The following REDIC1 variants were observed in gnomAD, a reference collection of about 807,000 sequenced individuals.
REDIC1 encodes the protein regulator of DNA class I crossover intermediates 1.
chr12:39,711,591 A>ATGTGTATACACATGCATGTG, the REDIC1 span, among the ~76,000 whole-genome samples: 1,073 of 26,032 alleles, frequency 0.041, 43 homozygotes, highest in African/African-American at 0.065. Context: ...ATGCATGTGT[A>ATGTGTATACACATGCATGTG]TATGTGTATA....
At chr12:39,889,118 A>C in the REDIC1 span, among the ~76,000 whole-genome samples, 1 of 152,150 alleles carries the variant, frequency 6.6e-6, no homozygotes, top group East Asian at 1.9e-4. Context: ...TTGCAAAAGC[A>C]AACCAAATGT....
At chr12:39,666,360 G>T in the REDIC1 span, among the ~76,000 whole-genome samples, 1 of 152,088 alleles carries the variant, frequency 6.6e-6, no homozygotes, top group African/African-American at 2.4e-5. Flanking sequence ...TTATATGCTG[G>T]ATTACGTTTA....
At chr12:39,757,744 A>G in the REDIC1 span, 110,108 of 151,892 alleles carry the variant, frequency 0.72, 41,690 homozygotes, top group Non-Finnish European at 0.84. Flanking sequence ...TTGTTTTCTT[A>G]TATCAGGGAG....
At chr12:39,713,048 T>C in the REDIC1 span, among the ~76,000 whole-genome samples, 8 of 145,080 alleles carry the variant, frequency 5.5e-5, no homozygotes, top group East Asian at 2.0e-4. Context: ...TATACATGTG[T>C]ATATACGTGT....
At chr12:39,860,229 A>T in the REDIC1 span, among the ~76,000 whole-genome samples, 1 of 152,190 alleles carries the variant, frequency 6.6e-6, no homozygotes, top group African/African-American at 2.4e-5. Context: ...AGTAAGATGT[A>T]AGTGTAGGTG....
At chr12:39,830,273 G>GT in the REDIC1 span, 3 of 1,596,150 alleles carry the variant, frequency 1.9e-6, no homozygotes, top group Non-Finnish European at 2.6e-6. Flanking sequence ...GAGACAACTG[G>GT]TGCTCACCAT....
the REDIC1 span, among the ~76,000 whole-genome samples, chr12:39,676,825 T>C: frequency 6.6e-6 from 1 of 152,062 alleles, no homozygotes; most frequent in Non-Finnish European, 1.5e-5. Flanking sequence ...CAAAATAATA[T>C]AAGCCAAGGA....
At chr12:39,718,237 T>G in the REDIC1 span, among the ~76,000 whole-genome samples, 2 of 152,212 alleles carry the variant, frequency 1.3e-5, no homozygotes, top group East Asian at 3.9e-4. Context: ...TAATGAACCT[T>G]AAAGGTCACT....
chr12:39,692,103 A>G, the REDIC1 span: 9 of 1,573,556 alleles, frequency 5.7e-6, no homozygotes, highest in East Asian at 1.8e-4. Flanking sequence ...AATATCTACT[A>G]AGAAAATCTG....
At chr12:39,710,704 C>G in the REDIC1 span, among the ~76,000 whole-genome samples, 3 of 151,754 alleles carry the variant, frequency 2.0e-5, no homozygotes, top group African/African-American at 7.3e-5. Context: ...TGGGGTTCAT[C>G]ACACTTAGCT....
the REDIC1 span, among the ~76,000 whole-genome samples, chr12:39,728,906 G>A: frequency 1.3e-5 from 2 of 151,418 alleles, no homozygotes; most frequent in Admixed American, 6.6e-5. Context: ...ATGTGTCCAG[G>A]AATTCATCCA....
chr12:39,826,864 T>TTTTTTTTTTTTTTTTTTTTTC, the REDIC1 span, among the ~76,000 whole-genome samples: 1 of 143,508 alleles, frequency 7.0e-6, no homozygotes, highest in Non-Finnish European at 1.5e-5. Context: ...ATTTTTTTTT[T>TTTTTTTTTTTTTTTTTTTTTC]TTTTTTTTGC....
At chr12:39,716,725 C>T in the REDIC1 span, 3 of 1,458,230 alleles carry the variant, frequency 2.1e-6, no homozygotes, top group Non-Finnish European at 2.8e-6. Flanking sequence ...TCATAAATAC[C>T]ATTATTCATG....
At chr12:39,706,993 G>GGACAAACAGGATCACATCA in the REDIC1 span, among the ~76,000 whole-genome samples, 1 of 151,552 alleles carries the variant, frequency 6.6e-6, no homozygotes, top group Non-Finnish European at 1.5e-5. Context: ...AAGCAAAAAT[G>GGACAAACAGGATCACATCA]GACAAACAGG....
At chr12:39,728,424 A>T in the REDIC1 span, among the ~76,000 whole-genome samples, 1 of 151,948 alleles carries the variant, frequency 6.6e-6, no homozygotes, top group Non-Finnish European at 1.5e-5. Context: ...GACATTGATC[A>T]TGTTTATGTG....
chr12:39,752,762 T>C, the REDIC1 span, among the ~76,000 whole-genome samples: 2 of 152,164 alleles, frequency 1.3e-5, no homozygotes, highest in Admixed American at 1.3e-4. Context: ...ATAAGACAGT[T>C]TTACAAATCC....
chr12:39,635,640 T>C, the REDIC1 span, among the ~76,000 whole-genome samples: 1 of 150,178 alleles, frequency 6.7e-6, no homozygotes, highest in African/African-American at 2.5e-5. Flanking sequence ...CTGGGGCCTG[T>C]TGGTGGGCGG....
chr12:39,653,987 T>G, the REDIC1 span, among the ~76,000 whole-genome samples: 1 of 152,148 alleles, frequency 6.6e-6, no homozygotes, highest in African/African-American at 2.4e-5. Context: ...GAAAGTTCTC[T>G]TCTGTTTCTA....
the REDIC1 span, among the ~76,000 whole-genome samples, chr12:39,747,956 C>G: frequency 6.6e-6 from 1 of 152,310 alleles, no homozygotes; most frequent in Admixed American, 6.5e-5. Flanking sequence ...ACAACCGGTA[C>G]CAGCCACTGC....
Sources: allele counts gnomAD v4.1 joint callset (sites outside exome capture counted in the v4.1 genomes callset), GRCh38; gene constraint gnomAD v4.1.1; transcripts MANE v1.5; gene names NCBI Gene and HGNC (gene_info 2026-07-23, HGNC 2026-07-21).